Variants in PAX9 observed in about 807,000 individuals in gnomAD.
The protein encoded by PAX9 is paired box protein Pax-9.
A neutral mutation model predicts 29.1 loss-of-function variants in PAX9; 6 were observed. The ratio of observed to expected loss-of-function variants is 0.21; its 90% CI spans 0.11 to 0.41. The LOEUF (loss-of-function observed/expected upper bound fraction) is 0.41. Among genes scored for constraint, PAX9 ranks in the 10% least tolerant of loss-of-function variants. The probability of loss-of-function intolerance (pLI) is 1.00; values close to 1 mark genes in which losing one functional copy is unlikely to be tolerated. For synonymous variants in PAX9, 217 were observed against 211.7 expected (o/e 1.03, Z -0.22); for missense variants, 443 against 479.1 (o/e 0.92, Z 0.70).
chr14:36,666,889 CCTGTCGGCCTCCGGGAG>C, intron 3 of PAX9, among the ~76,000 whole-genome samples: 1 of 152,232 alleles, frequency 6.6e-6, no homozygotes, highest in East Asian at 1.9e-4. Flanking sequence ...CGCCTCCAGG[CCTGTCGGCCTCCGGGAG>C]CTTGGGGAGG....
At position 36,678,444 on chromosome 14, in the gene PAX9, T is replaced by C. The variant is rs1272082247; in HGVS notation, c.*1992T>C. On this transcript the variant is annotated 3_prime_UTR_variant, in exon 4 of 4. Transcript: ENST00000361487. ...GAACTCTCAGGGCCATAGTCTTCCT[T>C]TGATCTTGTAAAACTTCCATTGACA... 1 of 1,485,404 alleles carries C rather than the reference T, an allele frequency of 6.7e-7. No individual in the cohort carries two copies. The highest frequency in any genetic ancestry group is 2.5e-5 in the East Asian group (1 of 40,650). The allele number at this position is 1,485,404 out of a possible 1,614,324, so 92.0% of individuals were successfully genotyped here.
At chr14:36,674,899 A>G (rs1594474609) in intron 3 of PAX9, among the ~76,000 whole-genome samples, 1 of 152,196 alleles carries the variant, frequency 6.6e-6, no homozygotes, top group African/African-American at 2.4e-5. Context: ...ATTCTATTCC[A>G]TGTACATATT....
rs189527248 is a variant in PAX9 at position 36,678,479 on chromosome 14, C to T, written c.*2027C>T. On this transcript the variant is annotated 3_prime_UTR_variant, in exon 4 of 4. Transcript: ENST00000361487. Reference sequence around the variant, plus strand: ...AAAACTTCCATTGACATCTGGAGTTCCCAGTCTGGTGAGAAAATAGACTAT... The same window carrying T: ...AAAACTTCCATTGACATCTGGAGTTTCCAGTCTGGTGAGAAAATAGACTAT... 32 of 1,536,376 alleles carry T rather than the reference C, an allele frequency of 2.1e-5. No homozygotes were observed. The highest frequency in any genetic ancestry group is 8.2e-5 in the African/African-American group (6 of 73,122).
chr14:36,676,847 G>T lies in PAX9; in HGVS notation c.*395G>T. On this transcript the variant is annotated 3_prime_UTR_variant, in exon 4 of 4. Transcript: ENST00000361487. Reference sequence around the variant, plus strand: ...TGAACTTTTGAAATGTGCAATTGTTGAGATTTTGCAAAATCAATAAAGGAA... The same window carrying T: ...TGAACTTTTGAAATGTGCAATTGTTTAGATTTTGCAAAATCAATAAAGGAA... 4.3e-6 allele frequency: 1 copy of T among 229,966 alleles called. No individual in the cohort carries two copies. Among genetic ancestry groups the T allele is most frequent in the Non-Finnish European group, 8.7e-6 (1 of 114,406 alleles). 14.2% of individuals were successfully genotyped at this position (229,966 alleles called of 1,614,324 possible). A position where few individuals can be genotyped will look rare whatever the true frequency, so the allele number is the denominator to read the frequency against.
rs1594465916 is a variant in PAX9 at position 36,662,071 on chromosome 14, T to A, written c.-19T>A. ...TGGGAGTGCGGAACTGGGGCCGGGTTGGTGTACTGCTCGGAGCAATGGGTG... is the reference window on the plus strand; with the variant it reads ...TGGGAGTGCGGAACTGGGGCCGGGTAGGTGTACTGCTCGGAGCAATGGGTG... On this transcript the variant is annotated 5_prime_UTR_variant, in exon 1 of 4. An upstream open reading frame in the 5' UTR gains an earlier in-frame stop. Coordinates refer to ENST00000361487, the MANE Select transcript of PAX9 (RefSeq NM_001372076.1). 6.9e-7 allele frequency: 1 copy of A among 1,451,746 alleles called. No homozygotes were observed. Among genetic ancestry groups the A allele is most frequent in the East Asian group, 3.2e-5 (1 of 31,326 alleles). 89.9% of individuals were successfully genotyped at this position (1,451,746 alleles called of 1,614,324 possible).
At chr14:36,665,248 G>T (rs559791955) in intron 2 of PAX9, among the ~76,000 whole-genome samples, 1 of 150,460 alleles carries the variant, frequency 6.6e-6, no homozygotes, top group South Asian at 2.1e-4. Context: ...CAGAGCAAAT[G>T]TCAGTTGGGA....
In PAX9 at chr14:36,666,620, G is replaced by A; in HGVS notation, c.771+19G>A. On this transcript the variant is annotated intron_variant, in intron 3 of 3. Coordinates refer to ENST00000361487, the MANE Select transcript of PAX9 (RefSeq NM_001372076.1). ...CGGTCAGGTGAGGAGGCGAGGGTCA[G>A]GCCAGGTGGGCCGCGTGGCGGCGGG... 1 of 1,556,788 alleles carries A rather than the reference G, an allele frequency of 6.4e-7. No individual in the cohort carries two copies. Among genetic ancestry groups the A allele is most frequent in the Non-Finnish European group, 8.7e-7 (1 of 1,149,886 alleles).
chr14:36,660,089 A>G (rs1384125208), upstream of PAX9, among the ~76,000 whole-genome samples: 2 of 152,130 alleles, frequency 1.3e-5, no homozygotes, highest in Non-Finnish European at 2.9e-5. Flanking sequence ...GTTGCCGGGC[A>G]TGTTCATTCC....
chr14:36,661,181 G>A (rs74965364), upstream of PAX9, among the ~76,000 whole-genome samples: 6,549 of 152,354 alleles, frequency 0.043, 193 homozygotes, highest in Middle Eastern at 0.12. Flanking sequence ...CGCACACGGC[G>A]TGGCCCGTGC....
upstream of PAX9, among the ~76,000 whole-genome samples, chr14:36,658,379 G>C (rs912111906): frequency 6.6e-6 from 1 of 151,860 alleles, no homozygotes; most frequent in African/African-American, 2.4e-5. Context: ...CGCTTGGGGG[G>C]GGGGGGTCCT....
Position 36,679,026 on chromosome 14 carries a change from A to G in PAX9, c.*2574A>G, listed in dbSNP as rs1408214712. 1 of 985,372 alleles carries G rather than the reference A, an allele frequency of 1.0e-6. No homozygotes were observed. The highest frequency in any genetic ancestry group is 1.2e-6 in the Non-Finnish European group (1 of 829,990). The allele number at this position is 985,372 out of a possible 1,614,324, so 61.0% of individuals were successfully genotyped here. On this transcript the variant is annotated 3_prime_UTR_variant, in exon 4 of 4. Transcript: ENST00000361487. ...AAAAGTGTTGCTTTTAAACTGGCAAATGCACTCTTCAGAAATCCTTTTCTA... is the reference window on the plus strand; with the variant it reads ...AAAAGTGTTGCTTTTAAACTGGCAAGTGCACTCTTCAGAAATCCTTTTCTA...
At position 36,678,973 on chromosome 14, in the gene PAX9, G is replaced by A. The variant is rs1882047624; in HGVS notation, c.*2521G>A. ...TTAAAGATTATTATTGGTTAATGTTGACATATTTCCTCTATCTCATAGATG... is the reference window on the plus strand; with the variant it reads ...TTAAAGATTATTATTGGTTAATGTTAACATATTTCCTCTATCTCATAGATG... On this transcript the variant is annotated 3_prime_UTR_variant, in exon 4 of 4. Coordinates refer to ENST00000361487, the MANE Select transcript of PAX9 (RefSeq NM_001372076.1). 3.1e-6 allele frequency: 3 copies of A among 981,634 alleles called. No individual in the cohort carries two copies. Among genetic ancestry groups the A allele is most frequent in the African/African-American group, 3.5e-5 (2 of 56,936 alleles). 60.8% of individuals were successfully genotyped at this position (981,634 alleles called of 1,614,324 possible).
Position 36,678,416 on chromosome 14 carries a change from G to T in PAX9, c.*1964G>T. On this transcript the variant is annotated 3_prime_UTR_variant, in exon 4 of 4. Coordinates refer to ENST00000361487, the MANE Select transcript of PAX9 (RefSeq NM_001372076.1). ...AGGAGAAGAATAAGCAGAAGGAGCA[G>T]ATGAACTCTCAGGGCCATAGTCTTC... 2 of 1,274,072 alleles carry T rather than the reference G, an allele frequency of 1.6e-6. No homozygotes were observed. The highest frequency in any genetic ancestry group is 2.2e-6 in the Non-Finnish European group (2 of 907,380). The allele number at this position is 1,274,072 out of a possible 1,614,324, so 78.9% of individuals were successfully genotyped here. A position where few individuals can be genotyped will look rare whatever the true frequency, so the allele number is the denominator to read the frequency against.
At chr14:36,665,239 A>C (rs1246150447) in intron 2 of PAX9, among the ~76,000 whole-genome samples, 3 of 151,796 alleles carry the variant, frequency 2.0e-5, no homozygotes, top group African/African-American at 7.3e-5. Context: ...TCCTACCATC[A>C]GAGCAAATGT....
At position 36,676,443 on chromosome 14, in the gene PAX9, C is replaced by T. The variant is rs770907742; in HGVS notation, c.1017C>T (p.Ser339=). 38 of 1,613,028 alleles carry T rather than the reference C, an allele frequency of 2.4e-5. No homozygotes were observed. The South Asian group carries it at 2.9e-4, about 12-fold the overall frequency. The stretch of plus-strand genomic sequence containing the variant: ...AAGGTAGTCATTCTGTCACGGCTTC[C>T]GCGCTCTGATGGGAAATTCCGTCTC... ...AREGSHSVTA[S]AL is the part of the protein sequence containing the mutation. The change falls in exon 4 of 4, where the codon TCC becomes TCT. Residue 339 remains serine, a synonymous_variant. Coordinates refer to ENST00000361487, the MANE Select transcript of PAX9 (RefSeq NM_001372076.1).
At chr14:36,669,012 A>G (rs1370349465) in intron 3 of PAX9, among the ~76,000 whole-genome samples, 1 of 152,200 alleles carries the variant, frequency 6.6e-6, no homozygotes, top group African/African-American at 2.4e-5. Context: ...TCTTAATTGC[A>G]ATATGCTAAT....
upstream of PAX9, among the ~76,000 whole-genome samples, chr14:36,659,517 G>T (rs751946602): frequency 2.6e-5 from 4 of 152,104 alleles, no homozygotes; most frequent in Admixed American, 6.5e-5. Flanking sequence ...ATACTTAGTG[G>T]CCCAAAACAC....
chr14:36,659,586 G>A (rs940582881), upstream of PAX9, among the ~76,000 whole-genome samples: 4 of 152,182 alleles, frequency 2.6e-5, no homozygotes, highest in African/African-American at 9.7e-5. Flanking sequence ...ACCTGCAACC[G>A]CCGGCATGAG....
upstream of PAX9, among the ~76,000 whole-genome samples, chr14:36,660,277 G>A (rs1452210262): frequency 6.6e-6 from 1 of 152,182 alleles, no homozygotes; most frequent in Non-Finnish European, 1.5e-5. Flanking sequence ...GGTATTGGAG[G>A]TCAGACCAGG....
Sources: allele counts gnomAD v4.1 joint callset (sites outside exome capture counted in the v4.1 genomes callset), GRCh38; gene constraint gnomAD v4.1.1; transcripts MANE v1.5; gene names NCBI Gene and HGNC (gene_info 2026-07-23, HGNC 2026-07-21).